The following SHISA9 variants were observed in gnomAD, a reference collection of about 807,000 sequenced individuals.
SHISA9 encodes protein shisa-9.
SHISA9 carries 13 observed loss-of-function variants against 38.0 expected under a neutral mutation model. The ratio of observed to expected loss-of-function variants is 0.34; its 90% CI spans 0.22 to 0.54. SHISA9 has a LOEUF of 0.54. Among genes scored for constraint, SHISA9 ranks in the 20% least tolerant of loss-of-function variants. SHISA9 has a pLI of 0.91. For missense variants in SHISA9, 538 were observed against 575.8 expected, an observed-to-expected ratio of 0.93 and a Z score of 0.67; for synonymous variants, 275 against 242.0, an observed-to-expected ratio of 1.14 and a Z score of -1.27.
intron 2 of SHISA9, among the ~76,000 whole-genome samples, chr16:12,917,859 A>C (rs954701377): frequency 2.0e-5 from 3 of 152,106 alleles, no homozygotes; most frequent in African/African-American, 7.2e-5. Context: ...TGGGTGTTTT[A>C]TTTGCTGAAT....
intron 1 of SHISA9, among the ~76,000 whole-genome samples, chr16:12,906,829 G>A (rs1051451051): frequency 3.3e-5 from 5 of 152,118 alleles, no homozygotes; most frequent in African/African-American, 7.2e-5. Flanking sequence ...ATTTGGCGGC[G>A]TCTCTGGTCT....
At chr16:13,262,292 T>G in the SHISA9 span, among the ~76,000 whole-genome samples, 1 of 152,240 alleles carries the variant, frequency 6.6e-6, no homozygotes, top group Non-Finnish European at 1.5e-5. Flanking sequence ...ACCTGTGCAG[T>G]GCAGCTAGGC....
At chr16:13,296,213 T>C in the SHISA9 span, among the ~76,000 whole-genome samples, 1 of 151,568 alleles carries the variant, frequency 6.6e-6, no homozygotes, top group African/African-American at 2.4e-5. Context: ...ACTTCTGCTT[T>C]TTTGTTTTTT....
At chr16:13,256,556 A>C in the SHISA9 span, among the ~76,000 whole-genome samples, 2 of 152,208 alleles carry the variant, frequency 1.3e-5, no homozygotes, top group Admixed American at 1.3e-4. Flanking sequence ...CTGGGATTAC[A>C]GGCGTGAGCC....
the SHISA9 span, among the ~76,000 whole-genome samples, chr16:13,465,082 C>T: frequency 6.6e-6 from 1 of 152,268 alleles, no homozygotes; most frequent in African/African-American, 2.4e-5. Flanking sequence ...GTCTTATTAA[C>T]ATTTTGGAAG....
chr16:13,026,663 A>G (rs2072925995), intron 2 of SHISA9, among the ~76,000 whole-genome samples: 1 of 152,188 alleles, frequency 6.6e-6, no homozygotes, highest in South Asian at 2.1e-4. Flanking sequence ...GTTTCACAGC[A>G]GCTGCACCCT....
chr16:13,394,427 C>G, the SHISA9 span, among the ~76,000 whole-genome samples: 1 of 152,142 alleles, frequency 6.6e-6, no homozygotes, highest in African/African-American at 2.4e-5. Flanking sequence ...TGGTCTGGAC[C>G]TTTCTATTTG....
At chr16:13,516,943 T>C in the SHISA9 span, among the ~76,000 whole-genome samples, 1 of 152,234 alleles carries the variant, frequency 6.6e-6, no homozygotes, top group Non-Finnish European at 1.5e-5. Flanking sequence ...TTCACTGTCC[T>C]CATAGAATTT....
At chr16:13,069,510 G>A (rs563338851) in intron 2 of SHISA9, among the ~76,000 whole-genome samples, 1 of 151,868 alleles carries the variant, frequency 6.6e-6, no homozygotes, top group African/African-American at 2.4e-5. Flanking sequence ...GTGTATATGT[G>A]TATACATGTG....
At chr16:13,512,641 G>A in the SHISA9 span, among the ~76,000 whole-genome samples, 1 of 152,118 alleles carries the variant, frequency 6.6e-6, no homozygotes, top group South Asian at 2.1e-4. Flanking sequence ...AAACAGGATG[G>A]TACTGGTACC....
chr16:13,054,900 C>T (rs747066761), intron 2 of SHISA9, among the ~76,000 whole-genome samples: 1 of 152,186 alleles, frequency 6.6e-6, no homozygotes, highest in East Asian at 1.9e-4. Context: ...CTGGTTCACT[C>T]TTCTTTCTAG....
At chr16:12,911,391 T>C (rs958699491) in intron 1 of SHISA9, 3 of 985,274 alleles carry the variant, frequency 3.0e-6, no homozygotes, top group African/African-American at 3.5e-5. Context: ...TTCCTGTCTA[T>C]AAAATGTTTT....
chr16:13,530,819 A>G, the SHISA9 span, among the ~76,000 whole-genome samples: 1 of 152,110 alleles, frequency 6.6e-6, no homozygotes, highest in Admixed American at 6.5e-5. Flanking sequence ...TCTGGAGAAA[A>G]TCCCATTCCC....
rs1187696353 is a variant in SHISA9 at position 13,240,208 on chromosome 16, A to G, written c.*4799A>G. The G allele has an allele frequency of 6.6e-6, 1 of 152,168 alleles. No homozygotes were observed. Among genetic ancestry groups the G allele is most frequent in the Non-Finnish European group, 1.5e-5 (1 of 68,032 alleles). 9.4% of individuals were successfully genotyped at this position (152,168 alleles called of 1,614,324 possible). A position where few individuals can be genotyped will look rare whatever the true frequency, so the allele number is the denominator to read the frequency against. On this transcript the variant is annotated 3_prime_UTR_variant, in exon 5 of 5. Coordinates refer to ENST00000558583, the MANE Select transcript of SHISA9 (RefSeq NM_001145204.3). ...TTTTTGTGTAAATGGAGCATATTTTATGTGCGAATATTTTAGTAACCGTAT... is the reference window on the plus strand; with the variant it reads ...TTTTTGTGTAAATGGAGCATATTTTGTGTGCGAATATTTTAGTAACCGTAT...
At chr16:13,402,985 G>A in the SHISA9 span, among the ~76,000 whole-genome samples, 1 of 152,102 alleles carries the variant, frequency 6.6e-6, no homozygotes, top group Non-Finnish European at 1.5e-5. Flanking sequence ...AGGTGTGGTG[G>A]CGTGCGCCTG....
the SHISA9 span, among the ~76,000 whole-genome samples, chr16:13,269,480 G>GCCAT: frequency 7.9e-5 from 12 of 152,154 alleles, no homozygotes; most frequent in Admixed American, 2.6e-4. Context: ...TGCTCCCACT[G>GCCAT]CCATCTATCT....
chr16:12,909,015 C>T (rs902438096), intron 1 of SHISA9: 7 of 998,064 alleles, frequency 7.0e-6, no homozygotes, highest in East Asian at 1.1e-4. Flanking sequence ...CTCCTCTTGC[C>T]TTTTGCCTTC....
chr16:13,064,793 A>G (rs2073415344), intron 2 of SHISA9, among the ~76,000 whole-genome samples: 1 of 151,578 alleles, frequency 6.6e-6, no homozygotes. Context: ...GCAAAAAAAA[A>G]AAAAAAAAGA....
the SHISA9 span, among the ~76,000 whole-genome samples, chr16:13,368,711 G>T: frequency 6.8e-6 from 1 of 147,712 alleles, no homozygotes; most frequent in Non-Finnish European, 1.5e-5. Flanking sequence ...TTTGATTGGA[G>T]CAATGACCTC....
Sources: gnomAD v4.1 joint callset for allele counts (sites outside exome capture counted in the v4.1 genomes callset) on GRCh38, gnomAD v4.1.1 for gene constraint, MANE v1.5 for transcripts, NCBI Gene and HGNC (gene_info 2026-07-23, HGNC 2026-07-21) for gene names.